The following RLN2 variants were observed in gnomAD, a reference collection of about 807,000 sequenced individuals.
RLN2 encodes relaxin 2.
In RLN2, 10 loss-of-function variants were observed where a neutral mutation model predicts 7.3. That is an observed-to-expected ratio of 1.36 (90% CI 0.84 to 2.31). The LOEUF (loss-of-function observed/expected upper bound fraction) is 2.31. RLN2 is among the 30% of genes most tolerant of loss of function. RLN2 has a pLI of 0.00. For missense variants in RLN2, 298 were observed against 217.6 expected (o/e 1.37, Z -2.32); for synonymous variants, 103 against 82.3 (o/e 1.25, Z -1.36).
chr9:5,304,531 T>C lies in RLN2; in HGVS notation c.50A>G (p.Asn17Ser), dbSNP rs774193407. ...GTCCGCGACTGCTCTGGAAAATTGGTTCAGTAGTAAACAGACTCCTAGCAG... is the reference window on the plus strand; with the variant it reads ...GTCCGCGACTGCTCTGGAAAATTGGCTCAGTAGTAAACAGACTCCTAGCAG... ...FHLLGVCLLL[N>S]QFSRAVADSW... The change falls in exon 1 of 2, where the codon AAC becomes AGC. Residue 17 changes from asparagine to serine, a missense_variant. Coordinates refer to ENST00000381627, the MANE Select transcript of RLN2 (RefSeq NM_134441.3). 1 of 1,613,860 alleles carries C rather than the reference T, an allele frequency of 6.2e-7. No individual in the cohort carries two copies. Among genetic ancestry groups the C allele is most frequent in the African/African-American group, 1.3e-5 (1 of 74,928 alleles).
At chr9:5,328,039 C>G in the RLN2 span, among the ~76,000 whole-genome samples, 3 of 151,884 alleles carry the variant, frequency 2.0e-5, no homozygotes, top group Non-Finnish European at 4.4e-5. Context: ...AGCAAGGGAA[C>G]AAAACTGGAC....
chr9:5,323,913 T>C, the RLN2 span, among the ~76,000 whole-genome samples: 1 of 151,734 alleles, frequency 6.6e-6, no homozygotes, highest in Non-Finnish European at 1.5e-5. Context: ...CCAGGTGTGT[T>C]GATATGTGCC....
chr9:5,312,640 G>A, the RLN2 span, among the ~76,000 whole-genome samples: 1 of 151,722 alleles, frequency 6.6e-6, no homozygotes, highest in African/African-American at 2.4e-5. Context: ...TACTGTTAAT[G>A]ATTTTCTGCC....
the RLN2 span, among the ~76,000 whole-genome samples, chr9:5,309,954 A>C: frequency 6.6e-6 from 1 of 151,960 alleles, no homozygotes. Flanking sequence ...CCCTGTAATT[A>C]AAGACCCTGT....
the RLN2 span, among the ~76,000 whole-genome samples, chr9:5,332,565 T>A: frequency 6.6e-6 from 1 of 151,780 alleles, no homozygotes; most frequent in Non-Finnish European, 1.5e-5. Flanking sequence ...GAACAATTTA[T>A]TTCACCAATA....
the RLN2 span, among the ~76,000 whole-genome samples, chr9:5,325,796 T>C: frequency 1.3e-5 from 2 of 152,218 alleles, no homozygotes; most frequent in East Asian, 3.9e-4. Context: ...AGGGTTGTAG[T>C]TCTATAAATT....
the RLN2 span, among the ~76,000 whole-genome samples, chr9:5,336,650 G>A: frequency 6.6e-6 from 1 of 152,024 alleles, no homozygotes; most frequent in Admixed American, 6.6e-5. Context: ...TACAATTTAA[G>A]AGTTTTATTT....
chr9:5,300,135 A>G lies in RLN2; in HGVS notation c.521T>C (p.Val174Ala). 1 of 1,604,384 alleles carries G rather than the reference A, an allele frequency of 6.2e-7. No homozygotes were observed. The highest frequency in any genetic ancestry group is 8.5e-7 in the Non-Finnish European group (1 of 1,177,268). ...YSALANKCCH[V>A]GCTKRSLARF... ...AGCAAGAGATCTTTTGGTACAACCA[A>G]CATGGCAACATTTATTAGCCAATGC... The change falls in exon 2 of 2, where the codon GTT (valine) becomes GCT (alanine). Residue 174 changes from valine to alanine, a missense_variant. Physicochemically the swap from Val to Ala is moderately conservative, Grantham distance 64. Coordinates refer to ENST00000381627, the MANE Select transcript of RLN2 (RefSeq NM_134441.3).
rs144966416 is a variant in RLN2 at position 5,304,551 on chromosome 9, T to C, written c.30A>G (p.Leu10=). The stretch of plus-strand genomic sequence containing the variant: ...ATTGGTTCAGTAGTAAACAGACTCC[T>C]AGCAGGTGGAAAAAAAACAGGCGAG... MPRLFFFHL[L]GVCLLLNQFS... The change falls in exon 1 of 2, where the codon CTA becomes CTG. Residue 10 remains leucine, a synonymous_variant. Coordinates refer to ENST00000381627, the MANE Select transcript of RLN2 (RefSeq NM_134441.3). The C allele has an allele frequency of 6.2e-4, 996 of 1,613,640 alleles. 7 individuals are homozygous for C. Among genetic ancestry groups the C allele is most frequent in the Non-Finnish European group, 6.1e-4 (718 of 1,179,870 alleles).
At chr9:5,335,672 T>A in the RLN2 span, 1 of 866,262 alleles carries the variant, frequency 1.2e-6, no homozygotes, top group Non-Finnish European at 1.8e-6. Context: ...TGTGAATGTT[T>A]GCATACACAA....
At chr9:5,330,311 A>C in the RLN2 span, among the ~76,000 whole-genome samples, 1 of 151,990 alleles carries the variant, frequency 6.6e-6, no homozygotes, top group Non-Finnish European at 1.5e-5. Context: ...AAAGCAGGAG[A>C]GATCTAAAAT....
At chr9:5,300,503 GA>G (rs1244135339) in intron 1 of RLN2, 59 bp from the exon 2 acceptor site, 2 of 1,116,186 alleles carry the variant, frequency 1.8e-6, no homozygotes, top group Non-Finnish European at 2.6e-6. Context: ...AGAGCACTCA[GA>G]AAAACTATGA....
chr9:5,327,788 T>C, the RLN2 span, among the ~76,000 whole-genome samples: 1,330 of 152,150 alleles, frequency 8.7e-3, 34 homozygotes, highest in African/African-American at 0.029. Flanking sequence ...AGTGGACTTC[T>C]GGCAAACTCC....
At chr9:5,330,758 TAG>T in the RLN2 span, among the ~76,000 whole-genome samples, 1 of 63,828 alleles carries the variant, frequency 1.6e-5, no homozygotes, top group Non-Finnish European at 3.0e-5. Flanking sequence ...CTGAAGGAGA[TAG>T]AGAGACAAAA....
At chr9:5,336,093 G>A in the RLN2 span, among the ~76,000 whole-genome samples, 1 of 151,994 alleles carries the variant, frequency 6.6e-6, no homozygotes, top group Admixed American at 6.6e-5. Flanking sequence ...ACTCCTGGAG[G>A]ATAAAGTTAA....
At chr9:5,335,451 T>C in the RLN2 span, 1 of 1,613,758 alleles carries the variant, frequency 6.2e-7, no homozygotes. Flanking sequence ...TTGGAATCCT[T>C]TAATGCAGGT....
the RLN2 span, among the ~76,000 whole-genome samples, chr9:5,328,982 C>T: frequency 6.6e-6 from 1 of 152,008 alleles, no homozygotes; most frequent in African/African-American, 2.4e-5. Context: ...AAAAACGTGC[C>T]AAATGGTAAA....
At chr9:5,323,442 A>C in the RLN2 span, among the ~76,000 whole-genome samples, 1 of 151,952 alleles carries the variant, frequency 6.6e-6, no homozygotes, top group Admixed American at 6.6e-5. Flanking sequence ...ATTTCATCTT[A>C]TATAACTTCT....
the RLN2 span, among the ~76,000 whole-genome samples, chr9:5,331,771 C>G: frequency 6.6e-6 from 1 of 151,946 alleles, no homozygotes; most frequent in East Asian, 1.9e-4. Flanking sequence ...ACCTGTGTAA[C>G]AAACCTGCAC....
Sources: gnomAD v4.1 joint callset for allele counts (sites outside exome capture counted in the v4.1 genomes callset) on GRCh38, gnomAD v4.1.1 for gene constraint, MANE v1.5 for transcripts, NCBI Gene and HGNC (gene_info 2026-07-23, HGNC 2026-07-21) for gene names.